Variants in SLC7A4 observed in about 807,000 individuals in gnomAD.
SLC7A4 encodes the protein solute carrier family 7 member 4.
Under a neutral mutation model 37.8 loss-of-function variants are expected in SLC7A4, and 30 were observed. That is an observed-to-expected ratio of 0.79 (90% CI 0.59 to 1.08). The LOEUF (loss-of-function observed/expected upper bound fraction) is 1.08, where lower values mean the gene tolerates loss of function less well. Ranked by LOEUF, SLC7A4 falls within the 50% of genes least tolerant of loss-of-function variation. SLC7A4 has a pLI of 0.00. For synonymous variants in SLC7A4, 359 were observed against 376.5 expected, an observed-to-expected ratio of 0.95 and a Z score of 0.54; for missense variants, 839 against 843.2, an observed-to-expected ratio of 1.00 and a Z score of 0.06.
At chr22:21,032,141 C>T (rs1928909816) in intron 1 of SLC7A4, among the ~76,000 whole-genome samples, 1 of 152,146 alleles carries the variant, frequency 6.6e-6, no homozygotes, top group African/African-American at 2.4e-5. Context: ...GGGAGCAGCT[C>T]CAGGGGGAGC....
Position 21,029,432 on chromosome 22 carries a change from G to C in SLC7A4, c.1636C>G (p.Pro546Ala). The C allele has an allele frequency of 1.2e-6, 2 of 1,612,488 alleles. No individual in the cohort carries two copies. The highest frequency in any genetic ancestry group is 1.7e-6 in the Non-Finnish European group (2 of 1,179,084). The change falls in exon 4 of 5, where the codon CCC becomes GCC. Residue 546 changes from proline (P) to alanine (A), a missense_variant. Coordinates refer to ENST00000382932, the MANE Select transcript of SLC7A4 (RefSeq NM_004173.3). ...REDLFQIPMV[P>A]LIPALSIVLN... ...ACGATGCTCAGGGCTGGAATCAGGG[G>C]AACCATGGGGATCTGAGGAGGCAGA...
Position 21,029,318 on chromosome 22 carries a change from A to G in SLC7A4, c.1732+18T>C, listed in dbSNP as rs1261254498. The G allele has an allele frequency of 1.2e-6, 2 of 1,612,454 alleles. No individual in the cohort carries two copies. Among genetic ancestry groups the G allele is most frequent in the Admixed American group, 1.7e-5 (1 of 60,010 alleles). The stretch of plus-strand genomic sequence containing the variant: ...TTGCCCTCCTCCTGACCCCGGTCCC[A>G]GCCTGGCCCCCACTCACCCATCAGC... On this transcript the variant is annotated intron_variant, in intron 4 of 4. Transcript: ENST00000382932.
chr22:21,029,506 G>C (rs1928804761), intron 3 of SLC7A4, 62 bp from the exon 4 acceptor site: 1 of 1,362,810 alleles, frequency 7.3e-7, no homozygotes, highest in African/African-American at 1.4e-5. Context: ...CCAGCCCAGG[G>C]CTCACTTTCT....
chr22:21,032,296 C>G (rs1431772623), intron 1 of SLC7A4, among the ~76,000 whole-genome samples: 1 of 152,194 alleles, frequency 6.6e-6, no homozygotes, highest in African/African-American at 2.4e-5. Flanking sequence ...TGGCCACAGA[C>G]AGACAGTGGC....
In SLC7A4 at chr22:21,030,001, C is replaced by A. The variant is rs1928828608; in HGVS notation, c.1333G>T (p.Val445Leu). The A allele has an allele frequency of 3.1e-6, 5 of 1,613,712 alleles. No individual in the cohort carries two copies. The highest frequency in any genetic ancestry group is 2.5e-6 in the Non-Finnish European group (3 of 1,179,992). ...QSSFSDHLQL[V>L]GTVHASVPEP... ...GGGACGGAGGCGTGTACAGTGCCCACCAGCTGTAGGTGGTCTGAGAAGGAG... is the reference window on the plus strand; with the variant it reads ...GGGACGGAGGCGTGTACAGTGCCCAACAGCTGTAGGTGGTCTGAGAAGGAG... The change falls in exon 3 of 5, where the codon GTG (valine) becomes TTG (leucine). Residue 445 changes from valine to leucine, a missense_variant. Transcript: ENST00000382932.
In SLC7A4 at chr22:21,031,316, C is replaced by T; in HGVS notation, c.497G>A (p.Gly166Asp). Residue 166 changes from glycine (G) to aspartate (D), a missense_variant, in exon 2 of 5, where the codon GGC (glycine) becomes GAC (aspartate). Transcript: ENST00000382932. ...HVGSWQVPLL[G>D]HYPDFLAAGI... ...AGCAGCCAGGAAGTCCGGGTAGTGG[C>T]CCAGGAGGGGCACCTGCCAAGAACC... is the stretch of plus-strand genomic sequence containing the variant. 2 of 1,609,198 alleles carry T rather than the reference C, an allele frequency of 1.2e-6. No homozygotes were observed. The highest frequency in any genetic ancestry group is 1.7e-6 in the Non-Finnish European group (2 of 1,177,786).
In SLC7A4 at chr22:21,029,870, T is replaced by A. The variant is rs745480407; in HGVS notation, c.1464A>T (p.Ser488=). Residue 488 remains serine, a synonymous_variant, in exon 3 of 5, where the codon TCA becomes TCT. Transcript: ENST00000382932. ...VTWALGVMLA[S]AITIGCVLVF... is the part of the protein sequence containing the mutation. Reference sequence around the variant, plus strand: ...CAAGCACGCAGCCTATGGTGATGGCTGAGGCCAACATAACGCCAAGCGCCC... The same window carrying A: ...CAAGCACGCAGCCTATGGTGATGGCAGAGGCCAACATAACGCCAAGCGCCC... 6.2e-7 allele frequency: 1 copy of A among 1,613,854 alleles called. No homozygotes were observed. The highest frequency in any genetic ancestry group is 1.1e-5 in the South Asian group (1 of 91,086).
chr22:21,031,536 C>T lies in SLC7A4; in HGVS notation c.277G>A (p.Gly93Arg), dbSNP rs1452513835. The T allele has an allele frequency of 6.2e-7, 1 of 1,610,630 alleles. No individual in the cohort carries two copies. ...LLAALCYAEF[G>R]ARVPRTGSAY... ...GAGCCCGTGCGTGGCACACGTGCCCCAAATTCTGCATAGCATAGGGCTGCC... is the reference window on the plus strand; with the variant it reads ...GAGCCCGTGCGTGGCACACGTGCCCTAAATTCTGCATAGCATAGGGCTGCC... Residue 93 changes from glycine (G) to arginine (R), a missense_variant, in exon 2 of 5, where the codon GGG becomes AGG. Gly to Arg is a moderately radical substitution (Grantham distance 125). Coordinates refer to ENST00000382932, the MANE Select transcript of SLC7A4 (RefSeq NM_004173.3).
rs1928882241 is a variant in SLC7A4, at chr22:21,031,465, G to A, written c.348C>T (p.Phe116=). The A allele has an allele frequency of 6.2e-7, 1 of 1,604,484 alleles. No individual in the cohort carries two copies. The highest frequency in any genetic ancestry group is 8.5e-7 in the Non-Finnish European group (1 of 1,175,614). Residue 116 remains phenylalanine (F), a synonymous_variant, in exon 2 of 5, where the codon TTC becomes TTT. Transcript: ENST00000382932. ...TYVSMGELWA[F]LIGWNVLLEY... ...CGAGGAGAACATTCCAGCCGATGAG[G>A]AAGGCCCACAGCTCGCCCATGGATA...
At position 21,029,154 on chromosome 22, in the gene SLC7A4, T is replaced by G. The variant is rs1392899380; in HGVS notation, c.1809A>C (p.Thr603=). The G allele has an allele frequency of 3.1e-6, 5 of 1,613,796 alleles. No homozygotes were observed. Among genetic ancestry groups the G allele is most frequent in the Non-Finnish European group, 4.2e-6 (5 of 1,179,992 alleles). The change falls in exon 5 of 5, where the codon ACA becomes ACC. Residue 603 remains threonine (T), a synonymous_variant. Coordinates refer to ENST00000382932, the MANE Select transcript of SLC7A4 (RefSeq NM_004173.3). ...NQRELPGLNS[T]HYVVFPRGSL... Reference sequence around the variant, plus strand: ...TGCCCCTGGGGAATACCACGTAGTGTGTGGAGTTCAGCCCTGGCAGCTCCC... The same window carrying G: ...TGCCCCTGGGGAATACCACGTAGTGGGTGGAGTTCAGCCCTGGCAGCTCCC...
chr22:21,030,309 C>T lies in SLC7A4; in HGVS notation c.1025G>A (p.Arg342His), dbSNP rs148642327. Reference protein sequence around the residue: ...VLLSLLFSLPRIVYAMAADGL... With the variant: ...VLLSLLFSLPHIVYAMAADGL... ...ATCGGCGGCCATGGCATAGACAATG[C>T]GTGGCAGGGAGAAGAGGAGGCTGAG... is the stretch of plus-strand genomic sequence containing the variant. Residue 342 changes from arginine (R) to histidine (H), a missense_variant, in exon 3 of 5, where the codon CGC (arginine) becomes CAC (histidine). Coordinates refer to ENST00000382932, the MANE Select transcript of SLC7A4 (RefSeq NM_004173.3). 8.8e-5 allele frequency: 142 copies of T among 1,611,854 alleles called. 1 individual carries two copies. In the South Asian group the frequency reaches 1.0e-3, roughly 12 times the overall value.
rs1400331326 is a variant in SLC7A4, at chr22:21,029,823, T to C, written c.1511A>G (p.His504Arg). 2.5e-6 allele frequency: 4 copies of C among 1,613,206 alleles called. No homozygotes were observed. The South Asian group carries it at 4.4e-5, about 18-fold the overall frequency. Residue 504 changes from histidine (H) to arginine (R), a missense_variant, in exon 3 of 5, where the codon CAC becomes CGC. His to Arg is a conservative substitution (Grantham distance 29, BLOSUM62 0). Coordinates refer to ENST00000382932, the MANE Select transcript of SLC7A4 (RefSeq NM_004173.3). ...CVLVFGNSTL[H>R]LPHWGYILLL... ...CAGGATGTAACCCCAGTGTGGGAGG[T>C]GCAGGGTCGAGTTCCCAAAGACAAG...
In SLC7A4 at chr22:21,029,775, A is replaced by C; in HGVS notation, c.1559T>G (p.Met520Arg). Reference sequence around the variant, plus strand: ...CAGGACAAGGAGGCTGAGCAGAAACATGACACTGGTGAGCAGGAGCAGCAG... The same window carrying C: ...CAGGACAAGGAGGCTGAGCAGAAACCTGACACTGGTGAGCAGGAGCAGCAG... ...YILLLLLTSV[M>R]FLLSLLVLGA... Residue 520 changes from methionine to arginine, a missense_variant, in exon 3 of 5, where the codon ATG (methionine) becomes AGG (arginine). Coordinates refer to ENST00000382932, the MANE Select transcript of SLC7A4 (RefSeq NM_004173.3). The C allele has an allele frequency of 6.2e-7, 1 of 1,613,380 alleles. No homozygotes were observed. The highest frequency in any genetic ancestry group is 8.5e-7 in the Non-Finnish European group (1 of 1,179,998).
Position 21,031,075 on chromosome 22 carries a change from A to G in SLC7A4, c.738T>C (p.Tyr246=), listed in dbSNP as rs909846565. 27 of 1,614,020 alleles carry G rather than the reference A, an allele frequency of 1.7e-5. 1 individual carries two copies. Among genetic ancestry groups the G allele is most frequent in the Middle Eastern group, 1.6e-4 (1 of 6,084 alleles). The stretch of plus-strand genomic sequence containing the variant: ...CAATGACGTCGAAGCCCACGAAAGC[A>G]TAGAAGCAGGAGGCAGTGCCGGCCA... ...GVMAGTASCF[Y]AFVGFDVIAA... Residue 246 remains tyrosine, a synonymous_variant, in exon 2 of 5, where the codon TAT becomes TAC. Coordinates refer to ENST00000382932, the MANE Select transcript of SLC7A4 (RefSeq NM_004173.3).
At position 21,031,359 on chromosome 22, in the gene SLC7A4, A is replaced by G. The variant is rs747325826; in HGVS notation, c.454T>C (p.Phe152Leu). The stretch of plus-strand genomic sequence containing the variant: ...CAAGAACCCACGTGGGTCTCAGTGA[A>G]GTTGCGGATGCTGTGGCTGAACATA... ...DSMFSHSIRN[F>L]TETHVGSWQV... Residue 152 changes from phenylalanine (F) to leucine (L), a missense_variant, in exon 2 of 5, where the codon TTC becomes CTC. By Grantham distance (22) the Phe-to-Leu change is conservative. Transcript: ENST00000382932. The G allele has an allele frequency of 6.2e-7, 1 of 1,611,596 alleles. No individual in the cohort carries two copies. Among genetic ancestry groups the G allele is most frequent in the Non-Finnish European group, 8.5e-7 (1 of 1,179,180 alleles).
intron 2 of SLC7A4, 141 bp downstream of exon 2, chr22:21,030,690 A>C: frequency 9.6e-7 from 1 of 1,038,540 alleles, no homozygotes; most frequent in Non-Finnish European, 1.3e-6. Context: ...TGAAGTGAAG[A>C]GTTTCTAATA....
At position 21,031,111 on chromosome 22, in the gene SLC7A4, G is replaced by A. The variant is rs749757976; in HGVS notation, c.702C>T (p.Phe234=). ...ADEGGFAPFG[F]SGVMAGTASC... ...AGGCAGTGCCGGCCATGACGCCGGAGAAGCCGAAGGGTGCAAAGCCGCCTT... is the reference window on the plus strand; with the variant it reads ...AGGCAGTGCCGGCCATGACGCCGGAAAAGCCGAAGGGTGCAAAGCCGCCTT... Residue 234 remains phenylalanine, a synonymous_variant, in exon 2 of 5, where the codon TTC becomes TTT. Transcript: ENST00000382932. The A allele has an allele frequency of 8.1e-6, 13 of 1,613,818 alleles. No homozygotes were observed. The highest frequency in any genetic ancestry group is 1.3e-5 in the African/African-American group (1 of 74,946).
rs1928823730 is a variant in SLC7A4, at chr22:21,029,904, A to G, written c.1430T>C (p.Val477Ala). Residue 477 changes from valine (V) to alanine (A), a missense_variant, in exon 3 of 5, where the codon GTG becomes GCG. By Grantham distance (64) the Val-to-Ala change is moderately conservative (BLOSUM62 0). Coordinates refer to ENST00000382932, the MANE Select transcript of SLC7A4 (RefSeq NM_004173.3). ...GFLDGYSPGA[V>A]VTWALGVMLA... The stretch of plus-strand genomic sequence containing the variant: ...CATAACGCCAAGCGCCCAAGTCACC[A>G]CTGCTCCAGGGCTGTACCCATCCAA... The G allele has an allele frequency of 6.2e-7, 1 of 1,613,758 alleles. No individual in the cohort carries two copies. The highest frequency in any genetic ancestry group is 8.5e-7 in the Non-Finnish European group (1 of 1,179,980).
chr22:21,029,579 G>T, intron 3 of SLC7A4, 132 bp downstream of exon 3: 1 of 1,140,430 alleles, frequency 8.8e-7, no homozygotes, highest in Non-Finnish European at 1.3e-6. Flanking sequence ...CACTCACCAT[G>T]CAGAAAGGGG....
Sources: gnomAD v4.1 joint callset for allele counts (sites outside exome capture counted in the v4.1 genomes callset) on GRCh38, gnomAD v4.1.1 for gene constraint, MANE v1.5 for transcripts, NCBI Gene and HGNC (gene_info 2026-07-23, HGNC 2026-07-21) for gene names.